Variants in HSPA9 observed in about 807,000 individuals in gnomAD.
The protein encoded by HSPA9 is stress-70 protein, mitochondrial.
A neutral mutation model predicts 81.5 loss-of-function variants in HSPA9; 28 were observed. The observed-to-expected ratio is 0.34, with a 90% CI of 0.25 to 0.47. The LOEUF is 0.47. Ranked by LOEUF, HSPA9 falls within the 20% of genes least tolerant of loss-of-function variation. The pLI is 1.00. For missense variants in HSPA9, 678 were observed against 838.0 expected (o/e 0.81, Z 2.36); for synonymous variants, 293 against 290.4 (o/e 1.01, Z -0.09).
chr5:138,556,397 A>T, intron 16 of HSPA9, 55 bp downstream of exon 16: 2 of 1,596,820 alleles, frequency 1.3e-6, no homozygotes, highest in South Asian at 2.2e-5. Context: ...GACAGTCATC[A>T]AGAACAGTTC....
At chr5:138,557,233 G>A in intron 14 of HSPA9, 169 bp downstream of exon 14, 1 of 662,166 alleles carries the variant, frequency 1.5e-6, no homozygotes, top group South Asian at 1.7e-5. Flanking sequence ...CCAAGTAGCT[G>A]GGACTGCAGG....
intron 9 of HSPA9, among the ~76,000 whole-genome samples, chr5:138,562,251 T>C (rs1022599604): frequency 2.7e-5 from 4 of 148,976 alleles, no homozygotes; most frequent in African/African-American, 7.3e-5. Context: ...ATAGTTACTC[T>C]TTAAGATGCA....
Position 138,561,889 on chromosome 5 carries a change from T to G in HSPA9, c.973-100A>C. 4 of 919,496 alleles carry G rather than the reference T, an allele frequency of 4.4e-6. No individual in the cohort carries two copies. The South Asian group carries it at 5.3e-5, about 12-fold the overall frequency. 57.0% of individuals were successfully genotyped at this position (919,496 alleles called of 1,614,324 possible). On this transcript the variant is annotated intron_variant, in intron 9 of 16. Transcript: ENST00000297185. ...ATGACCATGCCCTAGGACAGAAGAC[T>G]TGCAAAACCAAAGGGAGGGTGAGAT... is the stretch of plus-strand genomic sequence containing the variant.
chr5:138,559,035 G>A lies in HSPA9; in HGVS notation c.1411-378C>T, dbSNP rs141871932. On this transcript the variant is annotated intron_variant, in intron 11 of 16. Transcript: ENST00000297185. The stretch of plus-strand genomic sequence containing the variant: ...AGTGATGTGTTGACAAATACATCAC[G>A]GCACAAATATACCAACAACCATAGT... 7.3e-4 allele frequency: 167 copies of A among 228,590 alleles called. 3 individuals carry two copies. The South Asian group carries it at 8.3e-3, about 11-fold the overall frequency. 14.2% of individuals were successfully genotyped at this position (228,590 alleles called of 1,614,324 possible). A position where few individuals can be genotyped will look rare whatever the true frequency, so the allele number is the denominator to read the frequency against.
chr5:138,555,847 T>A lies in HSPA9; in HGVS notation c.*190A>T. On this transcript the variant is annotated 3_prime_UTR_variant, in exon 17 of 17. Transcript: ENST00000297185. Reference sequence around the variant, plus strand: ...GGGACATAGAATATTGTGAACTTTATACTGTTAGAATCACTGTCCATTAAA... The same window carrying A: ...GGGACATAGAATATTGTGAACTTTAAACTGTTAGAATCACTGTCCATTAAA... 1 of 617,648 alleles carries A rather than the reference T, an allele frequency of 1.6e-6. No individual in the cohort carries two copies. Among genetic ancestry groups the A allele is most frequent in the East Asian group, 2.8e-5 (1 of 35,750 alleles). The allele number at this position is 617,648 out of a possible 1,614,324, so 38.3% of individuals were successfully genotyped here. A position where few individuals can be genotyped will look rare whatever the true frequency, so the allele number is the denominator to read the frequency against.
At chr5:138,556,352 A>G (rs112155478) in intron 16 of HSPA9, 100 bp downstream of exon 16, 169 of 1,405,854 alleles carry the variant, frequency 1.2e-4, no homozygotes, top group African/African-American at 1.1e-3. Context: ...ATCTCACTCT[A>G]AATTCCACAA....
chr5:138,565,513 C>A (rs141976506), intron 9 of HSPA9, among the ~76,000 whole-genome samples: 2 of 152,028 alleles, frequency 1.3e-5, no homozygotes, highest in African/African-American at 4.8e-5. Flanking sequence ...CCCAAGACAC[C>A]GGAAATAGAT....
At position 138,556,574 on chromosome 5, in the gene HSPA9, C is replaced by G. The variant is rs1276789293; in HGVS notation, c.1840G>C (p.Glu614Gln). 2 of 1,614,062 alleles carry G rather than the reference C, an allele frequency of 1.2e-6. No homozygotes were observed. Residue 614 changes from glutamate (E) to glutamine (Q), a missense_variant, in exon 16 of 17, where the codon GAG (glutamate) becomes CAG (glutamine). Physicochemically the swap from Glu to Gln is conservative, Grantham distance 29 (BLOSUM62 2). Around this residue, in one of 4 missense-constraint regions of HSPA9, gnomAD observed 100 missense variants for 99.5 expected, o/e 1.00. Transcript: ENST00000297185. ...PADECNKLKE[E>Q]ISKMRELLAR... ...AGGAGCTCCCTCATTTTGGAAATCT[C>G]TTCTTTCAGCTTGTTGCACTTAAAA...
chr5:138,560,020 G>A lies in HSPA9; in HGVS notation c.1254C>T (p.Ala418=). 4 of 1,614,128 alleles carry A rather than the reference G, an allele frequency of 2.5e-6. No homozygotes were observed. Among genetic ancestry groups the A allele is most frequent in the Non-Finnish European group, 3.4e-6 (4 of 1,180,016 alleles). The change falls in exon 11 of 17, where the codon GCC becomes GCT. Residue 418 remains alanine, a synonymous_variant. Transcript: ENST00000297185. ...CACCTCCCTGAATGGCAGCTCCAAT[G>A]GCCACAGCCTCATCAGGATTGACAG... is the stretch of plus-strand genomic sequence containing the variant. ...SKAVNPDEAV[A]IGAAIQGGVL...
intron 9 of HSPA9, among the ~76,000 whole-genome samples, chr5:138,565,567 T>C (rs1171545316): frequency 6.6e-6 from 1 of 152,198 alleles, no homozygotes; most frequent in Non-Finnish European, 1.5e-5. Flanking sequence ...AGATCTAAAA[T>C]GGTTTATATA....
At chr5:138,569,121 T>C in intron 4 of HSPA9, 72 bp from the exon 5 acceptor site, 2 of 1,437,570 alleles carry the variant, frequency 1.4e-6, no homozygotes, top group Non-Finnish European at 2.0e-6. Context: ...CCACATACCA[T>C]GAACATCCAT....
chr5:138,567,790 T>G, intron 5 of HSPA9, 68 bp from the exon 6 acceptor site: 2 of 1,149,188 alleles, frequency 1.7e-6, no homozygotes, highest in Non-Finnish European at 2.6e-6. Flanking sequence ...CCCAACAACC[T>G]GTGTCATCCT....
At chr5:138,559,736 T>C (rs1750611680) in intron 11 of HSPA9, 128 bp downstream of exon 11, 1 of 727,366 alleles carries the variant, frequency 1.4e-6, no homozygotes, top group Admixed American at 2.2e-5. Context: ...CAGTTAACTG[T>C]TTAATATTCT....
chr5:138,574,642 G>T, intron 1 of HSPA9: 1 of 167,238 alleles, frequency 6.0e-6, no homozygotes. Flanking sequence ...CTTCCTTAAT[G>T]CCCACATACA....
At chr5:138,567,400 T>C in intron 7 of HSPA9, 55 bp downstream of exon 7, 2 of 1,363,500 alleles carry the variant, frequency 1.5e-6, no homozygotes, top group Non-Finnish European at 2.1e-6. Flanking sequence ...ACTAAAAAAT[T>C]AAGTGACACT....
rs1187122394 is a variant in HSPA9 at position 138,556,527 on chromosome 5, T to C, written c.1887A>G (p.Thr629=). Residue 629 remains threonine (T), a synonymous_variant, in exon 16 of 17, where the codon ACA becomes ACG. Transcript: ENST00000297185. ...ATGCTGCCTGTCTAATATTTTCTCC[T>C]GTTTCGCTGTCTTTTCTAGCCAGGA... The part of the protein sequence containing the change: ...RELLARKDSE[T]GENIRQAASS... 2 of 1,614,124 alleles carry C rather than the reference T, an allele frequency of 1.2e-6. No individual in the cohort carries two copies. The highest frequency in any genetic ancestry group is 1.7e-6 in the Non-Finnish European group (2 of 1,179,976).
chr5:138,568,870 C>T lies in HSPA9; in HGVS notation c.535+55G>A, dbSNP rs534806998. On this transcript the variant is annotated intron_variant, in intron 5 of 16. Coordinates refer to ENST00000297185, the MANE Select transcript of HSPA9 (RefSeq NM_004134.7). ...AGCTGGAGCACAGGGAGCTAGTGAT[C>T]TCACAGGAATCATTGTTCTTAGAAC... is the stretch of plus-strand genomic sequence containing the variant. 2.1e-5 allele frequency: 34 copies of T among 1,593,154 alleles called. No homozygotes were observed. In the African/African-American group the frequency reaches 2.8e-4, roughly 13 times the overall value.
At chr5:138,574,997 G>C (rs41294558) in intron 1 of HSPA9, 2 of 591,330 alleles carry the variant, frequency 3.4e-6, no homozygotes, top group African/African-American at 1.9e-5. Flanking sequence ...CCACTACCTG[G>C]TAATTTTGAA....
intron 1 of HSPA9, 86 bp downstream of exon 1, chr5:138,575,152 C>T (rs1751061282): frequency 3.2e-6 from 3 of 946,168 alleles, no homozygotes; most frequent in Non-Finnish European, 5.0e-6. Context: ...AATTCAAACC[C>T]TAAAGGGCGC....
Sources: gnomAD v4.1 joint callset for allele counts (sites outside exome capture counted in the v4.1 genomes callset) on GRCh38, gnomAD v4.1.1 for gene constraint, gnomAD v4.1.1 regional missense constraint, MANE v1.5 for transcripts, NCBI Gene and HGNC (gene_info 2026-07-23, HGNC 2026-07-21) for gene names.